Variants in PAPPA2 observed in about 807,000 individuals in gnomAD.
PAPPA2 encodes pappalysin-2.
PAPPA2 carries 86 observed loss-of-function variants against 176.4 expected under a neutral mutation model. The ratio of observed to expected loss-of-function variants is 0.49; its 90% CI spans 0.41 to 0.58. The LOEUF (loss-of-function observed/expected upper bound fraction) is 0.58, where lower values mean the gene tolerates loss of function less well. PAPPA2 is among the 20% of genes least tolerant of loss of function. The pLI is 0.00. For missense variants in PAPPA2, 2,073 were observed against 2,256.9 expected, an observed-to-expected ratio of 0.92 and a Z score of 1.65; for synonymous variants, 809 against 852.2, an observed-to-expected ratio of 0.95 and a Z score of 0.88.
rs574955945 is a variant in PAPPA2 at position 176,505,260 on chromosome 1, C to A, written c.-917+41842C>A. 1.8e-4 allele frequency among the ~76,000 whole-genome samples: 27 copies of A among 152,152 alleles called. 1 individual carries two copies. The highest frequency in any genetic ancestry group is 4.6e-4 in the Admixed American group (7 of 15,256). On this transcript the variant is annotated intron_variant, in intron 1 of 22. Coordinates refer to ENST00000367662, the MANE Select transcript of PAPPA2 (RefSeq NM_020318.3). Reference sequence around the variant, plus strand: ...TTCCAAGGCTATTTTGTCCTCAGATCAAAGTAATCAATGCATTTGTGCTTT... The same window carrying A: ...TTCCAAGGCTATTTTGTCCTCAGATAAAAGTAATCAATGCATTTGTGCTTT...
At chr1:176,763,086 A>G (rs1047846576) in intron 14 of PAPPA2, among the ~76,000 whole-genome samples, 2 of 152,198 alleles carry the variant, frequency 1.3e-5, no homozygotes, top group African/African-American at 4.8e-5. Flanking sequence ...TCAAGTCTCA[A>G]TTATTTCAAG....
rs573948834 is a variant in PAPPA2 at position 176,767,593 on chromosome 1, A to G, written c.4323+1756A>G. ...CATCTGCTGACCTCGTGATCCGCCC[A>G]CCTTGCCCTCCCAAAGTGCTGGGAT... On this transcript the variant is annotated intron_variant, in intron 15 of 22. Transcript: ENST00000367662. Among the ~76,000 whole-genome samples, 3 of 152,138 alleles carry G rather than the reference A, an allele frequency of 2.0e-5. No individual in the cohort carries two copies. In the East Asian group the frequency reaches 5.8e-4, roughly 29 times the overall value.
intron 1 of PAPPA2, among the ~76,000 whole-genome samples, chr1:176,538,721 T>G (rs749768160): frequency 9.4e-4 from 143 of 152,318 alleles, no homozygotes; most frequent in Non-Finnish European, 3.7e-4. Context: ...GGCAATCTCC[T>G]TTAAAAGTTT....
chr1:176,808,910 G>C (rs1472406151), intron 21 of PAPPA2, among the ~76,000 whole-genome samples: 2 of 152,182 alleles, frequency 1.3e-5, no homozygotes, highest in Non-Finnish European at 2.9e-5. Flanking sequence ...TTTACTTAGA[G>C]AAAAGTTTGC....
chr1:176,675,859 A>G lies in PAPPA2; in HGVS notation c.2137+4744A>G, dbSNP rs1659259386. On this transcript the variant is annotated intron_variant, in intron 4 of 22. Coordinates refer to ENST00000367662, the MANE Select transcript of PAPPA2 (RefSeq NM_020318.3). ...CAACTGACTTGTATTTAGAAGATAT[A>G]CGGAACTCTCAAAACTCAACAGTAA... Among the ~76,000 whole-genome samples, 5 of 152,122 alleles carry G rather than the reference A, an allele frequency of 3.3e-5. No homozygotes were observed. In the South Asian group the frequency reaches 1.0e-3, roughly 31 times the overall value.
At chr1:176,776,076 A>G (rs1386905801) in intron 17 of PAPPA2, among the ~76,000 whole-genome samples, 2 of 152,114 alleles carry the variant, frequency 1.3e-5, no homozygotes, top group Non-Finnish European at 2.9e-5. Context: ...ACTTCCACAT[A>G]CACATCATCA....
intron 3 of PAPPA2, among the ~76,000 whole-genome samples, chr1:176,599,548 C>T (rs1452985182): frequency 2.3e-5 from 3 of 128,818 alleles, no homozygotes; most frequent in African/African-American, 8.5e-5. Context: ...GTCTATCTTT[C>T]AATGCTTTTA....
intron 3 of PAPPA2, among the ~76,000 whole-genome samples, chr1:176,620,743 T>C (rs777713133): frequency 5.9e-5 from 9 of 152,176 alleles, no homozygotes; most frequent in Non-Finnish European, 1.0e-4. Context: ...TAATGAAAAA[T>C]TATAGCTTAA....
At chr1:176,538,392 T>A (rs1027169149) in intron 1 of PAPPA2, among the ~76,000 whole-genome samples, 1 of 152,188 alleles carries the variant, frequency 6.6e-6, no homozygotes, top group Non-Finnish European at 1.5e-5. Flanking sequence ...AATGAAGATG[T>A]GGGGAGGTGA....
chr1:176,569,646 T>C (rs2102611090), intron 2 of PAPPA2, among the ~76,000 whole-genome samples: 1 of 152,322 alleles, frequency 6.6e-6, no homozygotes, highest in Non-Finnish European at 1.5e-5. Flanking sequence ...TCATTTCTAT[T>C]CTAGGCTAGC....
chr1:176,722,784 T>C (rs1294688719), intron 12 of PAPPA2, among the ~76,000 whole-genome samples: 1 of 152,212 alleles, frequency 6.6e-6, no homozygotes, highest in Non-Finnish European at 1.5e-5. Flanking sequence ...ACTTAATTCA[T>C]GTTTTATGAT....
At chr1:176,761,127 A>T (rs1417422735) in intron 14 of PAPPA2, among the ~76,000 whole-genome samples, 1 of 152,122 alleles carries the variant, frequency 6.6e-6, no homozygotes, top group Non-Finnish European at 1.5e-5. Flanking sequence ...GGCCAAAAAC[A>T]TGTTTTAAAA....
rs559519727 is a variant in PAPPA2, at chr1:176,761,677, G to T, written c.4152-3989G>T. 3.3e-5 allele frequency among the ~76,000 whole-genome samples: 5 copies of T among 152,302 alleles called. No homozygotes were observed. The South Asian group carries it at 1.0e-3, about 32-fold the overall frequency. ...AGCAACAGGAAAGCAACCTCATCCC[G>T]TGGGAGATGGCCCGGTGGTCTAGGC... is the stretch of plus-strand genomic sequence containing the variant. On this transcript the variant is annotated intron_variant, in intron 14 of 22. Coordinates refer to ENST00000367662, the MANE Select transcript of PAPPA2 (RefSeq NM_020318.3).
chr1:176,675,830 C>G (rs775847213), intron 4 of PAPPA2, among the ~76,000 whole-genome samples: 7 of 151,986 alleles, frequency 4.6e-5, no homozygotes, highest in Non-Finnish European at 8.8e-5. Context: ...AAACACGAAT[C>G]TGGCAACTGA....
intron 20 of PAPPA2, among the ~76,000 whole-genome samples, chr1:176,794,874 G>T (rs747165509): frequency 3.3e-5 from 5 of 152,156 alleles, no homozygotes; most frequent in Non-Finnish European, 5.9e-5. Flanking sequence ...CACCTGTTAC[G>T]CATGGGGATC....
intron 2 of PAPPA2, among the ~76,000 whole-genome samples, chr1:176,558,781 G>T (rs1651481928): frequency 6.6e-6 from 1 of 152,122 alleles, no homozygotes; most frequent in African/African-American, 2.4e-5. Flanking sequence ...CAGGGAAACT[G>T]TGTGCTTGCA....
chr1:176,710,255 A>G, intron 11 of PAPPA2, 79 bp downstream of exon 11: 1 of 1,255,728 alleles, frequency 8.0e-7, no homozygotes, highest in South Asian at 1.5e-5. Flanking sequence ...CTTGGGGTCT[A>G]TGTTTGGATA....
chr1:176,638,438 C>G (rs564818525), intron 3 of PAPPA2, among the ~76,000 whole-genome samples: 26 of 152,094 alleles, frequency 1.7e-4, no homozygotes, highest in Non-Finnish European at 3.8e-4. Flanking sequence ...GTAGAAGGCT[C>G]TCTGGAACAG....
chr1:176,664,877 G>T (rs927549644), intron 3 of PAPPA2, among the ~76,000 whole-genome samples: 3 of 152,126 alleles, frequency 2.0e-5, no homozygotes, highest in African/African-American at 4.8e-5. Flanking sequence ...TGATGTTCTG[G>T]TAATAATTAT....
Sources: gnomAD v4.1 joint callset for allele counts (sites outside exome capture counted in the v4.1 genomes callset) on GRCh38, gnomAD v4.1.1 for gene constraint, MANE v1.5 for transcripts, NCBI Gene and HGNC (gene_info 2026-07-23, HGNC 2026-07-21) for gene names.